LITAF: variants seen among roughly 807,000 people sequenced by gnomAD.
LITAF encodes the protein lipopolysaccharide-induced tumor necrosis factor-alpha factor.
LITAF carries 9 observed loss-of-function variants against 14.5 expected under a neutral mutation model. The observed-to-expected ratio is 0.62, with a 90% CI of 0.37 to 1.08. The LOEUF (loss-of-function observed/expected upper bound fraction) is 1.08, where lower values mean the gene tolerates loss of function less well. Ranked by LOEUF, LITAF falls within the 50% of genes least tolerant of loss-of-function variation. The probability of loss-of-function intolerance (pLI) is 0.01; values close to 1 mark genes in which losing one functional copy is unlikely to be tolerated. For missense variants in LITAF, 206 were observed against 213.4 expected (o/e 0.97, Z 0.22); for synonymous variants, 98 against 88.2 (o/e 1.11, Z -0.62).
Position 11,622,968 on chromosome 16 carries a change from ATATAAT to A in LITAF, c.85+10559_85+10564del, listed in dbSNP as rs1222408008. Reference sequence around the variant, plus strand: ...AATGAATATATATATATATATATATATATAATTTTTTTTTTGAAACAGAGTCTCGCT... The same window carrying A: ...AATGAATATATATATATATATATATATTTTTTTTTGAAACAGAGTCTCGCT... On this transcript the variant is annotated intron_variant, in intron 3 of 3. Coordinates refer to the LITAF transcript ENST00000574848. 1.8e-3 allele frequency among the ~76,000 whole-genome samples: 141 copies of A among 79,216 alleles called. 1 individual carries two copies. The highest frequency in any genetic ancestry group is 5.7e-3 in the African/African-American group (136 of 23,900). The allele number at this position is 79,216 out of a possible 152,430, so 52.0% of individuals were successfully genotyped here. A position where few individuals can be genotyped will look rare whatever the true frequency, so the allele number is the denominator to read the frequency against.
At chr16:11,616,277 C>T (rs984688317) in intron 3 of LITAF, among the ~76,000 whole-genome samples, 1 of 152,092 alleles carries the variant, frequency 6.6e-6, no homozygotes, top group Non-Finnish European at 1.5e-5. Context: ...GATTTGAGAC[C>T]AGCCTGGGCA....
At position 11,632,163 on chromosome 16, in the gene LITAF, G is replaced by A. The variant is rs985328241; in HGVS notation, c.85+1370C>T. ...ATTACAGGCGTGAGCCACTGCGCCC[G>A]GCCTCGCAAAGAACCTATTTTCAAA... On this transcript the variant is annotated intron_variant, in intron 3 of 3. Coordinates refer to the LITAF transcript ENST00000574848. This position sits in a 1 kb window ranked among gnomAD's most constrained non-coding sequence, Gnocchi z 4.8. Among the ~76,000 whole-genome samples, 33 of 152,124 alleles carry A rather than the reference G, an allele frequency of 2.2e-4. No individual in the cohort carries two copies. The highest frequency in any genetic ancestry group is 4.4e-5 in the Non-Finnish European group (3 of 68,016).
chr16:11,572,323 C>T (rs1009134444), intron 1 of LITAF, among the ~76,000 whole-genome samples: 2 of 152,090 alleles, frequency 1.3e-5, no homozygotes, highest in African/African-American at 2.4e-5. Flanking sequence ...CACAGCCCTC[C>T]CCTAGACAAC....
intron 2 of LITAF, among the ~76,000 whole-genome samples, chr16:11,635,337 G>A (rs982061526): frequency 3.9e-5 from 6 of 152,232 alleles, no homozygotes; most frequent in Admixed American, 6.5e-5. Context: ...GGCGATGTCT[G>A]CAACCAGCCC....
At position 11,568,539 on chromosome 16, in the gene LITAF, C is replaced by T. The variant is rs151133353; in HGVS notation, c.-5-11804G>A. ...TATCAAGCAGATTCTGAGTCTCTAA[C>T]TTGCTGGTACCCAAAGATGTCACAA... On this transcript the variant is annotated intron_variant, in intron 1 of 3. Coordinates refer to ENST00000622633, the MANE Select transcript of LITAF (RefSeq NM_001136472.2). 9.6e-4 allele frequency among the ~76,000 whole-genome samples: 146 copies of T among 152,238 alleles called. 1 individual carries two copies. Among genetic ancestry groups the T allele is most frequent in the African/African-American group, 3.3e-3 (139 of 41,556 alleles).
intron 1 of LITAF, among the ~76,000 whole-genome samples, chr16:11,579,375 C>T (rs190741244): frequency 0.057 from 8,659 of 151,432 alleles, 359 homozygotes; most frequent in African/African-American, 0.1. Flanking sequence ...GGCGTGAACC[C>T]GGGAGGCGGA....
In LITAF at chr16:11,548,007, GA is replaced by G. The variant is rs537166987; in HGVS notation, c.*1629del. Reference sequence around the variant, plus strand: ...AGAACTCATAAATAGTTCACCGGGTGAACCAAAGACTTTATTTTTCAAAAGC... The same window carrying G: ...AGAACTCATAAATAGTTCACCGGGTGACCAAAGACTTTATTTTTCAAAAGC... On this transcript the variant is annotated 3_prime_UTR_variant, in exon 4 of 4. Transcript: ENST00000622633. The G allele has an allele frequency of 8.0e-4, 363 of 454,090 alleles. No homozygotes were observed. The highest frequency in any genetic ancestry group is 6.8e-3 in the African/African-American group (342 of 50,114). The allele number at this position is 454,090 out of a possible 1,614,324, so 28.1% of individuals were successfully genotyped here.
intron 3 of LITAF, among the ~76,000 whole-genome samples, chr16:11,618,551 G>A (rs545710076): frequency 6.6e-6 from 1 of 152,134 alleles, no homozygotes; most frequent in Non-Finnish European, 1.5e-5. Context: ...TGGGCTCCCC[G>A]GGCTTTCGCT....
At chr16:11,604,042 A>T (rs1011007607) in intron 3 of LITAF, among the ~76,000 whole-genome samples, 4 of 152,048 alleles carry the variant, frequency 2.6e-5, no homozygotes. Context: ...GCGAGACTCC[A>T]CTAGAGGCTG....
intron 1 of LITAF, among the ~76,000 whole-genome samples, chr16:11,575,225 A>G (rs940271412): frequency 6.6e-6 from 1 of 152,112 alleles, no homozygotes; most frequent in Admixed American, 6.6e-5. Context: ...TGGGACCCAT[A>G]TAGGGAGGCA....
chr16:11,580,743 C>G (rs1427323203), intron 1 of LITAF, among the ~76,000 whole-genome samples: 2 of 152,140 alleles, frequency 1.3e-5, no homozygotes, highest in Non-Finnish European at 2.9e-5. Flanking sequence ...CCACCTGCCT[C>G]CAGGAGCCCC....
intron 1 of LITAF, among the ~76,000 whole-genome samples, chr16:11,596,337 A>G (rs1202932886): frequency 6.6e-6 from 1 of 151,658 alleles, no homozygotes; most frequent in Non-Finnish European, 1.5e-5. Flanking sequence ...CCACTTAATA[A>G]TGACACACAG....
intron 1 of LITAF, among the ~76,000 whole-genome samples, chr16:11,581,715 A>C (rs1344326208): frequency 6.6e-6 from 1 of 152,198 alleles, no homozygotes; most frequent in African/African-American, 2.4e-5. Flanking sequence ...TGATGAGGTG[A>C]AAAATAAAAA....
intron 1 of LITAF, among the ~76,000 whole-genome samples, chr16:11,581,594 G>T (rs1262563514): frequency 6.6e-6 from 1 of 152,070 alleles, no homozygotes; most frequent in Non-Finnish European, 1.5e-5. Flanking sequence ...ACTCCAGCCT[G>T]GCCAACAGAA....
At position 11,568,211 on chromosome 16, in the gene LITAF, C is replaced by G. The variant is rs553341409; in HGVS notation, c.-5-11476G>C. Among the ~76,000 whole-genome samples, 214 of 151,120 alleles carry G rather than the reference C, an allele frequency of 1.4e-3. 1 individual carries two copies. The highest frequency in any genetic ancestry group is 2.6e-3 in the Non-Finnish European group (174 of 67,868). ...GCTCAGTGGGGAGGATCACCTGAGC[C>G]TGGGAGGCAGCGGTTGCAGTGAGCC... On this transcript the variant is annotated intron_variant, in intron 1 of 3. Transcript: ENST00000622633.
intron 1 of LITAF, among the ~76,000 whole-genome samples, chr16:11,583,020 A>C (rs575070390): frequency 1.9e-4 from 29 of 152,356 alleles, no homozygotes; most frequent in African/African-American, 6.7e-4. Context: ...TAAATGGTTA[A>C]GCAGGAAGGT....
intron 3 of LITAF, among the ~76,000 whole-genome samples, chr16:11,629,521 C>T (rs1292088092): frequency 6.7e-6 from 1 of 149,642 alleles, no homozygotes; most frequent in Non-Finnish European, 1.5e-5. Flanking sequence ...CCAGTCGGTC[C>T]TTCTGGGGTC....
rs1448572887 is a variant in LITAF, at chr16:11,553,721, G to A, written c.221-32C>T. ...AAAGGGAGAGGGACAAACACAGGTTGCTCAGGAAACAAGGCCAATAGCATT... is the reference window on the plus strand; with the variant it reads ...AAAGGGAGAGGGACAAACACAGGTTACTCAGGAAACAAGGCCAATAGCATT... On this transcript the variant is annotated intron_variant, in intron 2 of 3. Transcript: ENST00000622633. This position sits in a 1 kb window ranked among gnomAD's most constrained non-coding sequence, Gnocchi z 7.7. The A allele has an allele frequency of 1.9e-6, 3 of 1,613,502 alleles. No individual in the cohort carries two copies. The highest frequency in any genetic ancestry group is 2.5e-6 in the Non-Finnish European group (3 of 1,179,694).
At chr16:11,611,765 T>C (rs755772239) in intron 3 of LITAF, among the ~76,000 whole-genome samples, 5 of 151,908 alleles carry the variant, frequency 3.3e-5, no homozygotes, top group Non-Finnish European at 7.4e-5. Flanking sequence ...CGGGTTCAAG[T>C]GATTCTCCTG....
Sources: gnomAD v4.1 joint callset for allele counts (sites outside exome capture counted in the v4.1 genomes callset) on GRCh38, gnomAD v4.1.1 for gene constraint, Gnocchi (gnomAD v3.1) non-coding constraint, MANE v1.5 for transcripts, NCBI Gene and HGNC (gene_info 2026-07-23, HGNC 2026-07-21) for gene names.